Variants in ERBB4 observed in about 807,000 individuals in gnomAD.
The protein encoded by ERBB4 is erb-b2 receptor tyrosine kinase 4.
Under a neutral mutation model 158.0 loss-of-function variants are expected in ERBB4, and 42 were observed. That is an observed-to-expected ratio of 0.27 (90% CI 0.21 to 0.34). The LOEUF is 0.34. Among genes scored for constraint, ERBB4 ranks in the 10% least tolerant of loss-of-function variants. ERBB4 has a pLI of 1.00. For synonymous variants in ERBB4, 583 were observed against 558.7 expected, an observed-to-expected ratio of 1.04 and a Z score of -0.61; for missense variants, 1,333 against 1,624.1, an observed-to-expected ratio of 0.82 and a Z score of 3.08.
chr2:211,566,771 TAA>T lies in ERBB4; in HGVS notation c.2302-4685_2302-4684del, dbSNP rs528962425. 2.1e-4 allele frequency among the ~76,000 whole-genome samples: 32 copies of T among 152,278 alleles called. No homozygotes were observed. The East Asian group carries it at 6.2e-3, about 29-fold the overall frequency. On this transcript the variant is annotated intron_variant, in intron 19 of 27. Transcript: ENST00000342788. ...TTTAATTATATATTTAATTGTGTATTAAGTTAGATACTTAAATATTAGATATC... is the reference window on the plus strand; with the variant it reads ...TTTAATTATATATTTAATTGTGTATTGTTAGATACTTAAATATTAGATATC...
At chr2:211,973,400 A>C (rs2125208658) in intron 2 of ERBB4, among the ~76,000 whole-genome samples, 1 of 152,170 alleles carries the variant, frequency 6.6e-6, no homozygotes, top group Non-Finnish European at 1.5e-5. Flanking sequence ...ACGGGGTTTC[A>C]CCATGTTAGT....
chr2:212,538,071 G>A (rs1277722424), intron 1 of ERBB4, among the ~76,000 whole-genome samples: 1 of 152,110 alleles, frequency 6.6e-6, no homozygotes, highest in African/African-American at 2.4e-5. Flanking sequence ...CCGGCGGTGC[G>A]GGTTCTGCCC....
intron 2 of ERBB4, among the ~76,000 whole-genome samples, chr2:211,986,535 C>T (rs553024234): frequency 9.0e-4 from 137 of 152,252 alleles, no homozygotes; most frequent in African/African-American, 3.0e-3. Context: ...GGAAGCCTTA[C>T]ATCAAAATTG....
chr2:212,058,449 C>G (rs905959021), intron 2 of ERBB4, among the ~76,000 whole-genome samples: 1 of 152,160 alleles, frequency 6.6e-6, no homozygotes, highest in African/African-American at 2.4e-5. Context: ...ATGAAGCCAG[C>G]ATCATCCTGA....
At chr2:211,839,724 CAT>C (rs1287466349) in intron 3 of ERBB4, among the ~76,000 whole-genome samples, 1 of 152,026 alleles carries the variant, frequency 6.6e-6, no homozygotes, top group East Asian at 1.9e-4. Context: ...AAATTAAAAA[CAT>C]GTCTTGATTT....
Position 212,062,317 on chromosome 2 carries a change from C to G in ERBB4, c.234+62435G>C, listed in dbSNP as rs2077797679. ...CTTGAAGTGAGACTAAATATACTAA[C>G]TTAAATGGAATCTTAACTGTGCTGA... is the stretch of plus-strand genomic sequence containing the variant. On this transcript the variant is annotated intron_variant, in intron 2 of 27. Coordinates refer to ENST00000342788, the MANE Select transcript of ERBB4 (RefSeq NM_005235.3). Among the ~76,000 whole-genome samples, 2 of 149,054 alleles carry G rather than the reference C, an allele frequency of 1.3e-5. 1 individual carries two copies. Among genetic ancestry groups the G allele is most frequent in the Admixed American group, 1.3e-4 (2 of 14,946 alleles).
At chr2:211,818,410 C>T (rs1278949788) in intron 3 of ERBB4, among the ~76,000 whole-genome samples, 1 of 151,804 alleles carries the variant, frequency 6.6e-6, no homozygotes, top group African/African-American at 2.4e-5. Context: ...TGAGAACATA[C>T]AGGAGGGCGA....
In ERBB4 at chr2:212,331,631, C is replaced by T. The variant is rs546250693; in HGVS notation, c.83-206728G>A. Among the ~76,000 whole-genome samples the T allele has an allele frequency of 2.1e-3, 308 of 149,696 alleles. 3 individuals are homozygous for T. The highest frequency in any genetic ancestry group is 7.5e-3 in the African/African-American group (296 of 39,312). On this transcript the variant is annotated intron_variant, in intron 1 of 27. Coordinates refer to ENST00000342788, the MANE Select transcript of ERBB4 (RefSeq NM_005235.3). ...TTACCAAACTCAATCAAATTATTAC[C>T]AAACTCAAATTATTATCAAATCAAA...
intron 5 of ERBB4, among the ~76,000 whole-genome samples, chr2:211,737,084 ATAAG>A (rs1262170913): frequency 6.6e-6 from 1 of 152,190 alleles, no homozygotes; most frequent in Non-Finnish European, 1.5e-5. Flanking sequence ...TCAGGGAAAT[ATAAG>A]TAACTACAGA....
At chr2:211,555,228 C>T (rs1369005444) in intron 20 of ERBB4, among the ~76,000 whole-genome samples, 9 of 152,098 alleles carry the variant, frequency 5.9e-5, no homozygotes, top group Admixed American at 1.3e-4. Context: ...TCTTGTTGCC[C>T]AGGCTGGAGT....
chr2:211,586,003 A>G (rs901346068), intron 19 of ERBB4, among the ~76,000 whole-genome samples: 1 of 152,206 alleles, frequency 6.6e-6, no homozygotes, highest in Non-Finnish European at 1.5e-5. Context: ...CCAAAGTTCA[A>G]GAAATTTACA....
intron 5 of ERBB4, among the ~76,000 whole-genome samples, chr2:211,730,403 G>A (rs561369407): frequency 1.3e-5 from 2 of 151,828 alleles, no homozygotes; most frequent in Admixed American, 1.3e-4. Context: ...ATAAATTTAG[G>A]CAAAGTCTTT....
chr2:212,137,393 A>G (rs1270370252), intron 1 of ERBB4, among the ~76,000 whole-genome samples: 2 of 151,930 alleles, frequency 1.3e-5, no homozygotes, highest in Non-Finnish European at 2.9e-5. Flanking sequence ...TGTTCTCATC[A>G]TTTTGCTCCC....
rs189807292 is a variant in ERBB4 at position 212,280,600 on chromosome 2, C to T, written c.83-155697G>A. Among the ~76,000 whole-genome samples, 349 of 151,678 alleles carry T rather than the reference C, an allele frequency of 2.3e-3. 5 individuals are homozygous for T. The highest frequency in any genetic ancestry group is 2.2e-3 in the Non-Finnish European group (148 of 67,726). On this transcript the variant is annotated intron_variant, in intron 1 of 27. Transcript: ENST00000342788. Reference sequence around the variant, plus strand: ...GAACATGCCTCAAATGTCTTCTCTGCGTTTCTGTTGCTGTTGTTGTTGTTT... The same window carrying T: ...GAACATGCCTCAAATGTCTTCTCTGTGTTTCTGTTGCTGTTGTTGTTGTTT...
At chr2:211,524,597 C>A (rs1206476323) in intron 20 of ERBB4, among the ~76,000 whole-genome samples, 1 of 152,098 alleles carries the variant, frequency 6.6e-6, no homozygotes, top group African/African-American at 2.4e-5. Flanking sequence ...GGACCCAGTA[C>A]ACCCTCCGCA....
At chr2:211,923,035 T>C (rs1016313334) in intron 3 of ERBB4, among the ~76,000 whole-genome samples, 16 of 152,300 alleles carry the variant, frequency 1.1e-4, no homozygotes, top group African/African-American at 3.6e-4. Context: ...AAATAGAATA[T>C]ATGTCAGTTA....
chr2:211,974,992 T>C (rs761356395), intron 2 of ERBB4, among the ~76,000 whole-genome samples: 2 of 130,038 alleles, frequency 1.5e-5, no homozygotes, highest in Non-Finnish European at 3.3e-5. Context: ...TATCCATCAC[T>C]TTTTTTTTTG....
Position 211,927,979 on chromosome 2 carries a change from C to T in ERBB4, c.421+19451G>A, listed in dbSNP as rs570545526. Among the ~76,000 whole-genome samples the T allele has an allele frequency of 2.4e-4, 37 of 152,122 alleles. No homozygotes were observed. The South Asian group carries it at 7.5e-3, about 31-fold the overall frequency. Reference sequence around the variant, plus strand: ...GTACATCAGTGACACTTATTTTTCACGTAATTCTAAGGCAACCAGACAGAG... The same window carrying T: ...GTACATCAGTGACACTTATTTTTCATGTAATTCTAAGGCAACCAGACAGAG... On this transcript the variant is annotated intron_variant, in intron 3 of 27. Coordinates refer to ENST00000342788, the MANE Select transcript of ERBB4 (RefSeq NM_005235.3).
intron 1 of ERBB4, among the ~76,000 whole-genome samples, chr2:212,483,514 G>T (rs184032870): frequency 1.2e-3 from 189 of 152,260 alleles, no homozygotes; most frequent in Non-Finnish European, 2.3e-3. Flanking sequence ...CCTAGTAAAT[G>T]AAGTTCTTAA....
Sources: allele counts gnomAD v4.1 joint callset (sites outside exome capture counted in the v4.1 genomes callset), GRCh38; gene constraint gnomAD v4.1.1; transcripts MANE v1.5; gene names NCBI Gene and HGNC (gene_info 2026-07-23, HGNC 2026-07-21).